The following UGT1A9 variants were observed in gnomAD, a reference collection of about 807,000 sequenced individuals.
UGT1A9 encodes UDP-glucuronosyltransferase 1A9.
In UGT1A9, 35 loss-of-function variants were observed where a neutral mutation model predicts 45.0. The ratio of observed to expected loss-of-function variants is 0.78; its 90% CI spans 0.59 to 1.03. The LOEUF (loss-of-function observed/expected upper bound fraction) is 1.03, where lower values mean the gene tolerates loss of function less well. Ranked by LOEUF, UGT1A9 falls within the 50% of genes least tolerant of loss-of-function variation. The pLI is 0.00. For synonymous variants in UGT1A9, 278 were observed against 250.6 expected (o/e 1.11, Z -1.03); for missense variants, 687 against 666.6 (o/e 1.03, Z -0.34).
Position 233,672,334 on chromosome 2 carries a change from G to A in UGT1A9, c.400G>A (p.Val134Ile), listed in dbSNP as rs773976582. 6.2e-6 allele frequency: 10 copies of A among 1,614,074 alleles called. No homozygotes were observed. The South Asian group carries it at 1.1e-4, about 18-fold the overall frequency. ...CRSLFKDKKLVEYLKESSFDA... is the reference protein window; with the variant it reads ...CRSLFKDKKLIEYLKESSFDA... ...GAGTTTGTTTAAAGACAAAAAATTA[G>A]TAGAATACTTAAAGGAGAGTTCTTT... Residue 134 changes from valine to isoleucine, a missense_variant, in exon 1 of 5, where the codon GTA (valine) becomes ATA (isoleucine). By Grantham distance (29) the Val-to-Ile change is conservative. Transcript: ENST00000354728.
rs886043066 is a variant in UGT1A9 at position 233,768,310 on chromosome 2, C to T, written c.1166C>T (p.Pro389Leu). 74 of 1,613,942 alleles carry T rather than the reference C, an allele frequency of 4.6e-5. No homozygotes were observed. Among genetic ancestry groups the T allele is most frequent in the Non-Finnish European group, 6.2e-5 (73 of 1,180,026 alleles). The change falls in exon 4 of 5, where the codon CCC becomes CTC. Residue 389 changes from proline to leucine, a missense_variant. Pro to Leu is a moderately conservative substitution (Grantham distance 98). Coordinates refer to ENST00000354728, the MANE Select transcript of UGT1A9 (RefSeq NM_021027.3). ...ICNGVPMVMM[P>L]LFGDQMDNAK... Reference sequence around the variant, plus strand: ...AATGGCGTTCCCATGGTGATGATGCCCTTGTTTGGTGATCAGATGGACAAT... The same window carrying T: ...AATGGCGTTCCCATGGTGATGATGCTCTTGTTTGGTGATCAGATGGACAAT...
intron 1 of UGT1A9, chr2:233,755,057 C>G: frequency 7.5e-7 from 1 of 1,333,978 alleles, no homozygotes; most frequent in Non-Finnish European, 1.0e-6. Context: ...CCTCCGCCCT[C>G]GCCTCGCCAT....
chr2:233,718,719 G>A, intron 1 of UGT1A9: 6 of 1,609,316 alleles, frequency 3.7e-6, no homozygotes, highest in Non-Finnish European at 5.1e-6. Context: ...ATTACATGCT[G>A]ATTTGCTAGG....
intron 1 of UGT1A9, chr2:233,717,837 C>A (rs761149385): frequency 2.4e-5 from 11 of 455,250 alleles, no homozygotes; most frequent in South Asian, 1.7e-4. Context: ...CTGGAGGAAC[C>A]ATTCTTATCA....
rs550981457 is a variant in UGT1A9, at chr2:233,769,346, G to C, written c.1295+907G>C. ...TAATAGGCTTATTAGAACCTTATGG[G>C]AAGAAGTGGTGGCCAGTGGTAGATT... On this transcript the variant is annotated intron_variant, in intron 4 of 4. Coordinates refer to ENST00000354728, the MANE Select transcript of UGT1A9 (RefSeq NM_021027.3). This position sits in a 1 kb window ranked among gnomAD's most constrained non-coding sequence, Gnocchi z 4.4. Among the ~76,000 whole-genome samples, 7 of 152,360 alleles carry C rather than the reference G, an allele frequency of 4.6e-5. No homozygotes were observed. In the South Asian group the frequency reaches 1.5e-3, roughly 32 times the overall value.
chr2:233,770,795 G>A (rs1575855208), intron 4 of UGT1A9: 1 of 152,228 alleles, frequency 6.6e-6, no homozygotes, highest in East Asian at 1.9e-4. Flanking sequence ...TTATAGATAT[G>A]TTTAAAGACA....
intron 1 of UGT1A9, among the ~76,000 whole-genome samples, chr2:233,694,759 A>G (rs2075239293): frequency 1.3e-5 from 2 of 152,178 alleles, no homozygotes; most frequent in African/African-American, 4.8e-5. Context: ...AGCCACTGTG[A>G]AAAGGCAAGG....
chr2:233,712,754 C>T lies in UGT1A9; in HGVS notation c.855+39965C>T, dbSNP rs910147754. ...GCTTGAACTTGGATGTTCCCCAGAGCGAGCGCAAGGTCAGATGAGTTTTTC... is the reference window on the plus strand; with the variant it reads ...GCTTGAACTTGGATGTTCCCCAGAGTGAGCGCAAGGTCAGATGAGTTTTTC... On this transcript the variant is annotated intron_variant, in intron 1 of 4. Coordinates refer to ENST00000354728, the MANE Select transcript of UGT1A9 (RefSeq NM_021027.3). Among the ~76,000 whole-genome samples the T allele has an allele frequency of 2.6e-5, 4 of 151,984 alleles. No homozygotes were observed. The East Asian group carries it at 5.8e-4, about 22-fold the overall frequency.
chr2:233,713,717 G>T, intron 1 of UGT1A9: 1 of 1,613,946 alleles, frequency 6.2e-7, no homozygotes, highest in Non-Finnish European at 8.5e-7. Flanking sequence ...TTCAGAGAGA[G>T]GTGTCAGTGG....
At chr2:233,745,781 CAG>C (rs757535018) in intron 1 of UGT1A9, among the ~76,000 whole-genome samples, 4 of 150,162 alleles carry the variant, frequency 2.7e-5, no homozygotes, top group Non-Finnish European at 5.9e-5. Flanking sequence ...TGAGCTTAGA[CAG>C]GGGGGCTGGG....
chr2:233,743,757 C>T, intron 1 of UGT1A9: 2 of 1,367,374 alleles, frequency 1.5e-6, no homozygotes, highest in Non-Finnish European at 2.0e-6. Flanking sequence ...GACAACACCT[C>T]GTAGGCCTCG....
chr2:233,743,979 A>T (rs1692622611), intron 1 of UGT1A9: 1 of 1,306,002 alleles, frequency 7.7e-7, no homozygotes, highest in Non-Finnish European at 1.0e-6. Flanking sequence ...GCCAGCACCC[A>T]GGCGCAGGCC....
At chr2:233,726,263 T>C (rs2077520511) in intron 1 of UGT1A9, among the ~76,000 whole-genome samples, 1 of 152,204 alleles carries the variant, frequency 6.6e-6, no homozygotes, top group African/African-American at 2.4e-5. Flanking sequence ...TGCAGTGGCA[T>C]GCGCCTATGG....
chr2:233,701,519 A>T (rs1017874937), intron 1 of UGT1A9, among the ~76,000 whole-genome samples: 23 of 152,206 alleles, frequency 1.5e-4, no homozygotes, highest in Non-Finnish European at 2.5e-4. Context: ...AGAACTCTCC[A>T]CCCCAAATCA....
At position 233,767,094 on chromosome 2, in the gene UGT1A9, T is replaced by C; in HGVS notation, c.916T>C (p.Ser306Pro). The change falls in exon 2 of 5, where the codon TCA (serine) becomes CCA (proline). Residue 306 changes from serine (S) to proline (P), a missense_variant. Ser to Pro is a moderately conservative substitution (Grantham distance 74). Transcript: ENST00000354728. ...EHGIVVFSLG[S>P]MVSEIPEKKA... is the part of the protein sequence containing the mutation. The stretch of plus-strand genomic sequence containing the variant: ...TGGAATTGTGGTTTTCTCTTTGGGA[T>C]CAATGGTCTCAGAAATTCCAGAGAA... The C allele has an allele frequency of 1.2e-6, 2 of 1,614,120 alleles. No individual in the cohort carries two copies. The highest frequency in any genetic ancestry group is 1.7e-6 in the Non-Finnish European group (2 of 1,180,014).
At chr2:233,719,651 G>A (rs776482882) in intron 1 of UGT1A9, 1 of 1,614,068 alleles carries the variant, frequency 6.2e-7, no homozygotes, top group Non-Finnish European at 8.5e-7. Flanking sequence ...TCTTCATTGG[G>A]GGCATCAACT....
intron 1 of UGT1A9, among the ~76,000 whole-genome samples, chr2:233,676,760 G>GACTTTTGGTAGGAAGAC (rs745494021): frequency 1.3e-5 from 2 of 152,178 alleles, no homozygotes; most frequent in Non-Finnish European, 2.9e-5. Flanking sequence ...TGGGTTTATA[G>GACTTTTGGTAGGAAGAC]ACTTTTGGTA....
chr2:233,769,419 A>C lies in UGT1A9; in HGVS notation c.1295+980A>C. The stretch of plus-strand genomic sequence containing the variant: ...TGCATATGTGCGTGTGCGTTTGTGC[A>C]TGTGGCTGTGCTCATGTGTGGGTGC... On this transcript the variant is annotated intron_variant, in intron 4 of 4. Coordinates refer to ENST00000354728, the MANE Select transcript of UGT1A9 (RefSeq NM_021027.3). This position sits in a 1 kb window ranked among gnomAD's most constrained non-coding sequence, Gnocchi z 4.4. 1.4e-6 allele frequency: 2 copies of C among 1,450,006 alleles called. No individual in the cohort carries two copies. The highest frequency in any genetic ancestry group is 9.6e-7 in the Non-Finnish European group (1 of 1,044,304). 89.8% of individuals were successfully genotyped at this position (1,450,006 alleles called of 1,614,324 possible).
chr2:233,681,959 G>T, intron 1 of UGT1A9: 1 of 1,613,992 alleles, frequency 6.2e-7, no homozygotes, highest in Non-Finnish European at 8.5e-7. Flanking sequence ...AGGGTGGACT[G>T]GCCTCCTTCC....
Sources: gnomAD v4.1 joint callset for allele counts (sites outside exome capture counted in the v4.1 genomes callset) on GRCh38, gnomAD v4.1.1 for gene constraint, Gnocchi (gnomAD v3.1) non-coding constraint, MANE v1.5 for transcripts, NCBI Gene and HGNC (gene_info 2026-07-23, HGNC 2026-07-21) for gene names.